The following BCL2L12 variants were observed in gnomAD, a reference collection of about 807,000 sequenced individuals.
BCL2L12 encodes the protein BCL2 like 12.
A neutral mutation model predicts 25.7 loss-of-function variants in BCL2L12; 27 were observed. The ratio of observed to expected loss-of-function variants is 1.05; its 90% CI spans 0.78 to 1.45. The LOEUF (loss-of-function observed/expected upper bound fraction) is 1.45, where lower values mean the gene tolerates loss of function less well. BCL2L12 is among the 40% of genes most tolerant of loss of function. The pLI is 0.00. For missense variants in BCL2L12, 302 were observed against 329.8 expected, an observed-to-expected ratio of 0.92 and a Z score of 0.65; for synonymous variants, 132 against 145.6, an observed-to-expected ratio of 0.91 and a Z score of 0.67.
intron 4 of BCL2L12, 25 bp from the exon 5 acceptor site, chr19:49,668,999 C>A: frequency 6.2e-7 from 1 of 1,613,816 alleles, no homozygotes; most frequent in Non-Finnish European, 8.5e-7. Context: ...GTTCTGCCCC[C>A]AGCCAAATTC....
At chr19:49,666,926 A>C in intron 2 of BCL2L12, 93 bp from the exon 3 acceptor site, 1 of 1,540,958 alleles carries the variant, frequency 6.5e-7, no homozygotes, top group Admixed American at 2.0e-5. Flanking sequence ...GGTTTTGGAG[A>C]GAGGTCCTCA....
rs1339345941 is a variant in BCL2L12 at position 49,666,127 on chromosome 19, G to C, written c.-9+60G>C. 18 of 1,507,856 alleles carry C rather than the reference G, an allele frequency of 1.2e-5. No homozygotes were observed. In the East Asian group the frequency reaches 4.2e-4, roughly 35 times the overall value. The allele number at this position is 1,507,856 out of a possible 1,614,324, so 93.4% of individuals were successfully genotyped here. A position where few individuals can be genotyped will look rare whatever the true frequency, so the allele number is the denominator to read the frequency against. ...GGGAAGAGGAGGGGGCCGGGATCCA[G>C]TGGTGGGCACCCCAGTCCCGCTTCT... On this transcript the variant is annotated intron_variant, in intron 1 of 6. Coordinates refer to ENST00000246784, the MANE Select transcript of BCL2L12 (RefSeq NM_138639.2).
At chr19:49,666,322 A>G (rs1399361830) in intron 1 of BCL2L12, among the ~76,000 whole-genome samples, 2 of 152,204 alleles carry the variant, frequency 1.3e-5, no homozygotes, top group Non-Finnish European at 2.9e-5. Flanking sequence ...GGAGTTTGGC[A>G]TATGCCTCTT....
upstream of BCL2L12, chr19:49,665,883 G>T: frequency 6.2e-7 from 1 of 1,612,524 alleles, no homozygotes; most frequent in Non-Finnish European, 8.5e-7. Context: ...TCCGGCCAGA[G>T]GCATGCTGGG....
chr19:49,665,728 G>A, upstream of BCL2L12: 1 of 1,470,862 alleles, frequency 6.8e-7, no homozygotes, highest in Non-Finnish European at 9.1e-7. Flanking sequence ...CCCCTTTCCC[G>A]TCAGCTGAGC....
In BCL2L12 at chr19:49,667,162, G is replaced by C; in HGVS notation, c.250+1G>C. On this transcript the variant is annotated splice_donor_variant, in intron 3 of 6. Coordinates refer to ENST00000246784, the MANE Select transcript of BCL2L12 (RefSeq NM_138639.2). LOFTEE classifies it high-confidence loss of function. ...CGCCCCTGCTATGGTTTAGAGCCTG[G>C]TAAGAGATTTCCATGATCATCTATG... 3 of 1,609,000 alleles carry C rather than the reference G, an allele frequency of 1.9e-6. No homozygotes were observed. The highest frequency in any genetic ancestry group is 2.6e-6 in the Non-Finnish European group (3 of 1,175,886).
intron 1 of BCL2L12, 93 bp downstream of exon 1, chr19:49,666,160 C>T: frequency 6.9e-7 from 1 of 1,441,408 alleles, no homozygotes; most frequent in Non-Finnish European, 9.3e-7. Context: ...TCTCTGATAT[C>T]CAAGGGTCCA....
At chr19:49,670,651 G>A (rs537579896) in intron 6 of BCL2L12, among the ~76,000 whole-genome samples, 163 bp downstream of exon 6, 1 of 152,366 alleles carries the variant, frequency 6.6e-6, no homozygotes, top group East Asian at 1.9e-4. Context: ...CTGCAGCGAT[G>A]AGTGCAGACA....
At chr19:49,666,550 C>T (rs2081774328) in intron 1 of BCL2L12, 135 bp from the exon 2 acceptor site, 1 of 623,792 alleles carries the variant, frequency 1.6e-6, no homozygotes, top group Non-Finnish European at 2.8e-6. Context: ...AGTCTAGGCC[C>T]CCAGACCCAC....
rs771476715 is a variant in BCL2L12, at chr19:49,673,718, A to G, written c.723A>G (p.Ser241=). The G allele has an allele frequency of 1.9e-6, 3 of 1,613,658 alleles. No homozygotes were observed. The highest frequency in any genetic ancestry group is 1.7e-6 in the Non-Finnish European group (2 of 1,179,914). The change falls in exon 7 of 7, where the codon TCA becomes TCG. Residue 241 remains serine (S), a synonymous_variant. Coordinates refer to ENST00000246784, the MANE Select transcript of BCL2L12 (RefSeq NM_138639.2). Reference sequence around the variant, plus strand: ...TCCAGGAGGGCATCCTGGCTGTTTCACCCGTGGACTTGAACTTGCCATTGG... The same window carrying G: ...TCCAGGAGGGCATCCTGGCTGTTTCGCCCGTGGACTTGAACTTGCCATTGG... ...HGGWEGILAV[S]PVDLNLPLD is the part of the protein sequence containing the mutation.
intron 6 of BCL2L12, chr19:49,671,992 A>T (rs959836535): frequency 3.3e-5 from 5 of 152,110 alleles, no homozygotes; most frequent in Admixed American, 1.3e-4. Context: ...GGTGGAATTG[A>T]CTTGTTTTAC....
chr19:49,665,744 A>C, upstream of BCL2L12: 1 of 1,515,306 alleles, frequency 6.6e-7, no homozygotes, highest in South Asian at 1.3e-5. Context: ...TGAGCTCTAG[A>C]GCGCTGGGGC....
intron 1 of BCL2L12, 48 bp downstream of exon 1, chr19:49,666,115 G>T (rs565504768): frequency 4.0e-6 from 6 of 1,516,710 alleles, no homozygotes; most frequent in East Asian, 5.0e-5. Context: ...AAGAGGAGGG[G>T]GCCGGGATCC....
In BCL2L12 at chr19:49,673,648, G is replaced by A. The variant is rs374701507; in HGVS notation, c.703-50G>A. On this transcript the variant is annotated intron_variant, in intron 6 of 6. Transcript: ENST00000246784. ...AGGGCTGATGTGGACGCTGCTGTAT[G>A]GGGGGAACACCTGCCCTGCTCACAG... 6 of 1,476,762 alleles carry A rather than the reference G, an allele frequency of 4.1e-6. No individual in the cohort carries two copies. In the African/African-American group the frequency reaches 7.0e-5, roughly 17 times the overall value. 91.5% of individuals were successfully genotyped at this position (1,476,762 alleles called of 1,614,324 possible).
At chr19:49,666,336 G>A (rs1029459874) in intron 1 of BCL2L12, among the ~76,000 whole-genome samples, 1 of 152,188 alleles carries the variant, frequency 6.6e-6, no homozygotes, top group African/African-American at 2.4e-5. Flanking sequence ...GCCTCTTATA[G>A]AATCCAGGAG....
At chr19:49,665,835 C>T, upstream of BCL2L12, 7 of 1,597,106 alleles carry the variant, frequency 4.4e-6, no homozygotes, top group Non-Finnish European at 6.0e-6. Context: ...TGGGACGGCC[C>T]GCTGGGCTGT....
intron 6 of BCL2L12, among the ~76,000 whole-genome samples, chr19:49,673,028 G>A (rs1384188040): frequency 6.6e-6 from 1 of 152,144 alleles, no homozygotes; most frequent in East Asian, 1.9e-4. Flanking sequence ...CACCATGTCC[G>A]GCTAATTTTG....
intron 3 of BCL2L12, among the ~76,000 whole-genome samples, chr19:49,668,377 G>A (rs1447186212): frequency 3.3e-5 from 5 of 151,924 alleles, no homozygotes; most frequent in Admixed American, 6.6e-5. Context: ...GGGATTACAG[G>A]CGTGAGCCAC....
intron 1 of BCL2L12, 45 bp from the exon 2 acceptor site, chr19:49,666,640 C>T: frequency 6.9e-7 from 1 of 1,453,050 alleles, no homozygotes; most frequent in Non-Finnish European, 9.3e-7. Flanking sequence ...GCCTCCACTT[C>T]TTGCTAAACC....
Sources: gnomAD v4.1 joint callset for allele counts (sites outside exome capture counted in the v4.1 genomes callset) on GRCh38, gnomAD v4.1.1 for gene constraint, MANE v1.5 for transcripts, NCBI Gene and HGNC (gene_info 2026-07-23, HGNC 2026-07-21) for gene names.